Variants in SHOC2 observed in about 807,000 individuals in gnomAD.
SHOC2 encodes the protein SHOC2 leucine rich repeat scaffold protein.
A neutral mutation model predicts 50.2 loss-of-function variants in SHOC2; 4 were observed. The observed-to-expected ratio is 0.08, with a 90% CI of 0.04 to 0.18. SHOC2 has a LOEUF of 0.18. SHOC2 is among the 10% of genes least tolerant of loss of function. SHOC2 has a pLI of 1.00. For synonymous variants in SHOC2, 218 were observed against 244.5 expected, an observed-to-expected ratio of 0.89 and a Z score of 1.01; for missense variants, 388 against 669.6, an observed-to-expected ratio of 0.58 and a Z score of 4.64.
chr10:110,950,438 C>T (rs1282559146), intron 1 of SHOC2, among the ~76,000 whole-genome samples: 1 of 152,030 alleles, frequency 6.6e-6, no homozygotes, highest in Non-Finnish European at 1.5e-5. Flanking sequence ...ATTAAAATGT[C>T]CATACTACCC....
intron 2 of SHOC2, among the ~76,000 whole-genome samples, chr10:110,985,211 G>A (rs1036474030): frequency 6.6e-6 from 1 of 152,066 alleles, no homozygotes; most frequent in Non-Finnish European, 1.5e-5. Context: ...TGAACTCAAG[G>A]TGTATCTGAT....
chr10:110,945,047 C>T (rs888706606), intron 1 of SHOC2, among the ~76,000 whole-genome samples: 3 of 152,224 alleles, frequency 2.0e-5, no homozygotes, highest in Non-Finnish European at 4.4e-5. Context: ...AGTAATATGT[C>T]AGAGCTTTTC....
In SHOC2 at chr10:110,995,031, A is replaced by G. The variant is rs141078801; in HGVS notation, c.842-5384A>G. Among the ~76,000 whole-genome samples, 248 of 152,272 alleles carry G rather than the reference A, an allele frequency of 1.6e-3. 2 individuals are homozygous for G. Among genetic ancestry groups the G allele is most frequent in the Admixed American group, 0.015 (235 of 15,302 alleles). On this transcript the variant is annotated intron_variant, in intron 3 of 8. Transcript: ENST00000369452. ...CTGTGTTTCATAGACATGCTATTTT[A>G]TAAAATAAGAATGGGTTGAAGAAAA... is the stretch of plus-strand genomic sequence containing the variant.
intron 5 of SHOC2, 41 bp downstream of exon 5, chr10:111,004,835 A>G: frequency 7.2e-7 from 1 of 1,385,006 alleles, no homozygotes; most frequent in Non-Finnish European, 1.0e-6. Context: ...AATTGCTTTA[A>G]TTGGTACTTC....
intron 1 of SHOC2, among the ~76,000 whole-genome samples, chr10:110,936,181 C>T (rs1026673181): frequency 1.3e-5 from 2 of 150,856 alleles, no homozygotes; most frequent in African/African-American, 4.9e-5. Context: ...ACTGCAACCT[C>T]CGCCTCCTGG....
intron 1 of SHOC2, chr10:110,951,869 G>C (rs1847359756): frequency 6.6e-6 from 1 of 152,256 alleles, no homozygotes. Flanking sequence ...TGTTGGCCAA[G>C]CTGGTCTTGA....
chr10:110,998,398 G>C (rs143391927), intron 3 of SHOC2, among the ~76,000 whole-genome samples: 192 of 151,872 alleles, frequency 1.3e-3, no homozygotes, highest in African/African-American at 4.3e-3. Context: ...TTTCTCCTGA[G>C]GAATTGACAC....
intron 1 of SHOC2, chr10:110,937,017 A>G (rs760480901): frequency 9.4e-6 from 14 of 1,483,184 alleles, no homozygotes; most frequent in Admixed American, 1.7e-5. Context: ...GGGGCCCGGA[A>G]GTGGTAGGGG....
chr10:110,953,647 G>A (rs1437074265), intron 1 of SHOC2, among the ~76,000 whole-genome samples: 4 of 151,896 alleles, frequency 2.6e-5, no homozygotes, highest in Middle Eastern at 3.2e-3. Context: ...ATACCAAGGA[G>A]CACAATTGAT....
intron 1 of SHOC2, among the ~76,000 whole-genome samples, chr10:110,957,470 A>G (rs1050386265): frequency 6.6e-6 from 1 of 151,762 alleles, no homozygotes; most frequent in Non-Finnish European, 1.5e-5. Flanking sequence ...CCGCATGTAT[A>G]TGTTTGTGGA....
At position 110,955,284 on chromosome 10, in the gene SHOC2, A is replaced by G. The variant is rs145169970; in HGVS notation, c.-234-8841A>G. Among the ~76,000 whole-genome samples the G allele has an allele frequency of 3.2e-3, 487 of 152,296 alleles. 26 individuals are homozygous for G. The South Asian group carries it at 0.093, about 29-fold the overall frequency. ...GTGGAGAGTAGACGATTTGTGATTCATTTTGACTAAAGTCCACCATGTTTG... is the reference window on the plus strand; with the variant it reads ...GTGGAGAGTAGACGATTTGTGATTCGTTTTGACTAAAGTCCACCATGTTTG... On this transcript the variant is annotated intron_variant, in intron 1 of 8. Transcript: ENST00000369452.
intron 8 of SHOC2, 118 bp from the exon 9 acceptor site, chr10:111,011,492 G>A (rs1848564620): frequency 1.4e-6 from 1 of 711,000 alleles, no homozygotes; most frequent in African/African-American, 1.8e-5. Context: ...AGCTAAGAAA[G>A]GAGAATAAAA....
At chr10:110,929,046 T>TAA (rs1846836121) in intron 1 of SHOC2, among the ~76,000 whole-genome samples, 1 of 152,244 alleles carries the variant, frequency 6.6e-6, no homozygotes, top group Admixed American at 6.5e-5. Context: ...TACCATAATA[T>TAA]AACAACAATG....
At chr10:110,966,974 A>G (rs1219858446) in intron 2 of SHOC2, among the ~76,000 whole-genome samples, 1 of 152,206 alleles carries the variant, frequency 6.6e-6, no homozygotes, top group Non-Finnish European at 1.5e-5. Context: ...TTTAACTTAG[A>G]TACATGGATC....
chr10:110,977,056 T>G (rs1288392578), intron 2 of SHOC2, among the ~76,000 whole-genome samples: 1 of 152,206 alleles, frequency 6.6e-6, no homozygotes, highest in Non-Finnish European at 1.5e-5. Flanking sequence ...ATACCAGGTA[T>G]TTTATTTCTC....
intron 1 of SHOC2, among the ~76,000 whole-genome samples, chr10:110,939,290 C>T (rs1408530785): frequency 6.6e-6 from 1 of 152,080 alleles, no homozygotes; most frequent in African/African-American, 2.4e-5. Context: ...ACCATCATGG[C>T]TCACTGTAGC....
At chr10:110,929,166 A>G (rs1033035986) in intron 1 of SHOC2, among the ~76,000 whole-genome samples, 9 of 152,256 alleles carry the variant, frequency 5.9e-5, no homozygotes, top group Non-Finnish European at 1.3e-4. Flanking sequence ...TTGAAAATTG[A>G]TAATCTATAA....
intron 1 of SHOC2, among the ~76,000 whole-genome samples, chr10:110,949,313 A>G (rs1847306342): frequency 6.6e-6 from 1 of 152,166 alleles, no homozygotes. Flanking sequence ...TACAATGAAT[A>G]ACTATACACA....
intron 1 of SHOC2, among the ~76,000 whole-genome samples, chr10:110,957,054 A>G (rs888150569): frequency 2.6e-5 from 4 of 152,242 alleles, no homozygotes; most frequent in Non-Finnish European, 1.5e-5. Context: ...CCCTAAGGCA[A>G]CATTAACTTA....
Sources: gnomAD v4.1 joint callset for allele counts (sites outside exome capture counted in the v4.1 genomes callset) on GRCh38, gnomAD v4.1.1 for gene constraint, MANE v1.5 for transcripts, NCBI Gene and HGNC (gene_info 2026-07-23, HGNC 2026-07-21) for gene names.